The following ACER3 variants were observed in gnomAD, a reference collection of about 807,000 sequenced individuals.
ACER3 encodes alkaline ceramidase 3, also known as alkCDase 3.
In ACER3, 16 loss-of-function variants were observed where a neutral mutation model predicts 48.9. That is an observed-to-expected ratio of 0.33 (90% CI 0.22 to 0.50). The LOEUF (loss-of-function observed/expected upper bound fraction) is 0.50. ACER3 is among the 20% of genes least tolerant of loss of function. ACER3 has a pLI of 0.98. For synonymous variants in ACER3, 109 were observed against 107.8 expected (o/e 1.01, Z -0.07); for missense variants, 227 against 326.0 (o/e 0.70, Z 2.34).
At chr11:76,894,369 G>A (rs1292278762) in intron 1 of ACER3, among the ~76,000 whole-genome samples, 1 of 152,102 alleles carries the variant, frequency 6.6e-6, no homozygotes, top group African/African-American at 2.4e-5. Flanking sequence ...GCCTCGTCAG[G>A]ATTCAATGGT....
chr11:76,964,657 A>G (rs984677630), intron 3 of ACER3, among the ~76,000 whole-genome samples: 4 of 151,244 alleles, frequency 2.6e-5, no homozygotes, highest in South Asian at 2.1e-4. Context: ...CGGTTCACCA[A>G]TATCCTCTGT....
In ACER3 at chr11:76,976,357, A is replaced by T; in HGVS notation, c.320+16A>T. 1 of 1,503,284 alleles carries T rather than the reference A, an allele frequency of 6.7e-7. No individual in the cohort carries two copies. The highest frequency in any genetic ancestry group is 9.1e-7 in the Non-Finnish European group (1 of 1,094,468). The allele number at this position is 1,503,284 out of a possible 1,614,324, so 93.1% of individuals were successfully genotyped here. A position where few individuals can be genotyped will look rare whatever the true frequency, so the allele number is the denominator to read the frequency against. ...TGTACTGCATGTAAGTACTTTTAAAATTTCATTGTTTGATTTATTTTTAAA... is the reference window on the plus strand; with the variant it reads ...TGTACTGCATGTAAGTACTTTTAAATTTTCATTGTTTGATTTATTTTTAAA... On this transcript the variant is annotated intron_variant, in intron 4 of 10. Coordinates refer to ENST00000532485, the MANE Select transcript of ACER3 (RefSeq NM_018367.7).
intron 1 of ACER3, among the ~76,000 whole-genome samples, chr11:76,891,917 G>A (rs1271756015): frequency 6.6e-6 from 1 of 152,190 alleles, no homozygotes; most frequent in Admixed American, 6.5e-5. Context: ...TAGTTGGATT[G>A]CCTCTTAACA....
At chr11:76,922,259 G>T in intron 1 of ACER3, among the ~76,000 whole-genome samples, 1 of 152,046 alleles carries the variant, frequency 6.6e-6, no homozygotes, top group Non-Finnish European at 1.5e-5. Context: ...AGACCCTCCT[G>T]CACTCCCTGC....
chr11:76,989,270 T>G (rs1344244514), intron 5 of ACER3, among the ~76,000 whole-genome samples: 1 of 151,430 alleles, frequency 6.6e-6, no homozygotes, highest in African/African-American at 2.4e-5. Flanking sequence ...TTTTTTTTTT[T>G]GTACTGAGGG....
In ACER3 at chr11:76,926,633, A is replaced by G. The variant is rs1946837822; in HGVS notation, c.180A>G (p.Glu60=). 1 of 1,603,798 alleles carries G rather than the reference A, an allele frequency of 6.2e-7. No individual in the cohort carries two copies. Among genetic ancestry groups the G allele is most frequent in the Non-Finnish European group, 8.5e-7 (1 of 1,170,580 alleles). The change falls in exon 2 of 11, where the codon GAA becomes GAG. Residue 60 remains glutamate (E), a synonymous_variant. Transcript: ENST00000532485. ...GAVQSVRDGL[E]KRYIASYLAL... ...TTCAGAGTGTTAGAGACGGTCTGGA[A>G]AAGCGGTACATTGCTTCTTATTTAG...
In ACER3 at chr11:76,874,403, TA is replaced by T. The variant is rs11426478; in HGVS notation, c.103+13336del. 3.2e-3 allele frequency among the ~76,000 whole-genome samples: 471 copies of T among 148,430 alleles called. 1 individual carries two copies. Among genetic ancestry groups the T allele is most frequent in the African/African-American group, 0.011 (430 of 40,544 alleles). ...GAATTGGAATCTAATAAAAATAAGT[TA>T]AAAAAAAAAAACAAAACTAACCCAT... On this transcript the variant is annotated intron_variant, in intron 1 of 10. Coordinates refer to ENST00000532485, the MANE Select transcript of ACER3 (RefSeq NM_018367.7).
chr11:77,003,548 T>C (rs1338749249), intron 7 of ACER3, among the ~76,000 whole-genome samples: 3 of 152,170 alleles, frequency 2.0e-5, no homozygotes, highest in Admixed American at 1.3e-4. Context: ...CATTTTTCAG[T>C]TTCATTGATT....
At chr11:76,988,245 T>C (rs780484431) in intron 5 of ACER3, among the ~76,000 whole-genome samples, 1 of 152,166 alleles carries the variant, frequency 6.6e-6, no homozygotes, top group Admixed American at 6.5e-5. Flanking sequence ...TTCAGTTAGT[T>C]GAGATGTTGA....
intron 5 of ACER3, among the ~76,000 whole-genome samples, chr11:76,987,859 G>A (rs987167053): frequency 1.3e-5 from 2 of 152,210 alleles, no homozygotes; most frequent in Admixed American, 6.5e-5. Context: ...AGGATTGCTT[G>A]AGCCCGAGAG....
Position 77,016,789 on chromosome 11 carries a change from A to G in ACER3, c.704+10A>G, listed in dbSNP as rs1555023449. The G allele has an allele frequency of 6.7e-7, 1 of 1,499,656 alleles. No homozygotes were observed. The highest frequency in any genetic ancestry group is 1.4e-5 in the African/African-American group (1 of 71,296). The allele number at this position is 1,499,656 out of a possible 1,614,324, so 92.9% of individuals were successfully genotyped here. ...TTCACATCCTTTTCAGGTAGGAAAT[A>G]GAGACTTTTTTAGCCTCGTACTAGA... On this transcript the variant is annotated intron_variant, in intron 9 of 10. Transcript: ENST00000532485.
chr11:77,021,640 A>G lies in ACER3; in HGVS notation c.*1313A>G, dbSNP rs1224468826. ...TTATTGTAAAATCCAGATTGTTTTT[A>G]CCACATGATGACGTGACTCAGGATT... On this transcript the variant is annotated 3_prime_UTR_variant, in exon 11 of 11. Transcript: ENST00000532485. 2 of 152,132 alleles carry G rather than the reference A, an allele frequency of 1.3e-5. No homozygotes were observed. The highest frequency in any genetic ancestry group is 4.8e-5 in the African/African-American group (2 of 41,422). The allele number at this position is 152,132 out of a possible 1,614,324, so 9.4% of individuals were successfully genotyped here. A position where few individuals can be genotyped will look rare whatever the true frequency, so the allele number is the denominator to read the frequency against.
chr11:76,946,774 CA>C (rs763362776), intron 2 of ACER3, among the ~76,000 whole-genome samples: 2 of 152,172 alleles, frequency 1.3e-5, no homozygotes, highest in Non-Finnish European at 2.9e-5. Context: ...GGCATTTAGC[CA>C]ACGCTGGTCT....
chr11:76,865,040 C>G (rs1391520591), intron 1 of ACER3, among the ~76,000 whole-genome samples: 1 of 150,432 alleles, frequency 6.6e-6, no homozygotes, highest in Non-Finnish European at 1.5e-5. Context: ...GTGGCACAAT[C>G]ACAGCTCACT....
intron 2 of ACER3, among the ~76,000 whole-genome samples, chr11:76,943,902 T>C (rs2134938444): frequency 8.1e-6 from 1 of 123,570 alleles, no homozygotes; most frequent in East Asian, 2.4e-4. Flanking sequence ...CATTATATAA[T>C]GACCTTTGTC....
At chr11:77,011,638 G>A (rs1171725464) in intron 7 of ACER3, among the ~76,000 whole-genome samples, 3 of 151,988 alleles carry the variant, frequency 2.0e-5, no homozygotes, top group African/African-American at 7.3e-5. Context: ...TACATTGCCA[G>A]GTTTGTGCTT....
chr11:76,927,046 C>T (rs1291675837), intron 2 of ACER3, among the ~76,000 whole-genome samples: 1 of 152,146 alleles, frequency 6.6e-6, no homozygotes, highest in Non-Finnish European at 1.5e-5. Context: ...TCCCCCTCAG[C>T]CTCCCAGCCC....
At chr11:77,016,056 G>A (rs1555023235) in intron 8 of ACER3, among the ~76,000 whole-genome samples, 3 of 147,656 alleles carry the variant, frequency 2.0e-5, no homozygotes, top group Admixed American at 6.9e-5. Flanking sequence ...GCAGTGAGCC[G>A]AGATCGTGCT....
intron 2 of ACER3, among the ~76,000 whole-genome samples, chr11:76,941,224 T>C (rs1947337076): frequency 6.6e-6 from 1 of 152,176 alleles, no homozygotes; most frequent in South Asian, 2.1e-4. Flanking sequence ...TGCACTTAGT[T>C]GTTGGTGTTG....
Sources: gnomAD v4.1 joint callset for allele counts (sites outside exome capture counted in the v4.1 genomes callset) on GRCh38, gnomAD v4.1.1 for gene constraint, MANE v1.5 for transcripts, NCBI Gene and HGNC (gene_info 2026-07-23, HGNC 2026-07-21) for gene names.